Variants in BRIP1 observed in about 807,000 individuals in gnomAD.
BRIP1 encodes the protein Fanconi anemia group J protein.
In BRIP1, 88 loss-of-function variants were observed where a neutral mutation model predicts 119.7. That is an observed-to-expected ratio of 0.74 (90% confidence interval 0.62 to 0.88). BRIP1 has a LOEUF of 0.88. BRIP1 is among the 40% of genes least tolerant of loss of function. BRIP1 has a pLI of 0.00. For missense variants in BRIP1, 1,259 were observed against 1,455.4 expected (o/e 0.87, Z 2.20); for synonymous variants, 443 against 496.5 (o/e 0.89, Z 1.43).
chr17:61,830,053 C>G (rs1412887912), intron 6 of BRIP1, among the ~76,000 whole-genome samples: 5 of 152,066 alleles, frequency 3.3e-5, no homozygotes, highest in Admixed American at 1.3e-4. Context: ...CTGCCTCAGC[C>G]TCCCGAGTAG....
rs2191248 is a variant in BRIP1, at chr17:61,798,991, C to T, written c.1340+109G>A. ...TAACTGGCAAGGAACAATTCATTTC[C>T]CAAGAAGCCTAGTTAACCAAAGTTT... On this transcript the variant is annotated intron_variant, in intron 9 of 19. Coordinates refer to ENST00000259008, the MANE Select transcript of BRIP1 (RefSeq NM_032043.3). The surrounding 1 kb of genome is among the most constrained non-coding windows in gnomAD (Gnocchi z 5.5). 0.31 allele frequency: 319,163 copies of T among 1,019,488 alleles called. 54,085 individuals carry two copies. Among genetic ancestry groups the T allele is most frequent in the Non-Finnish European group, 0.36 (235,637 of 658,738 alleles). 63.2% of individuals were successfully genotyped at this position (1,019,488 alleles called of 1,614,324 possible).
intron 17 of BRIP1, among the ~76,000 whole-genome samples, chr17:61,707,865 GAGA>G (rs1000493330): frequency 1.8e-5 from 2 of 112,510 alleles, no homozygotes; most frequent in East Asian, 2.4e-4. Context: ...TTTTTTTTTT[GAGA>G]AGGAGTCTCA....
chr17:61,836,340 T>C (rs2078574291), intron 6 of BRIP1, among the ~76,000 whole-genome samples: 1 of 152,112 alleles, frequency 6.6e-6, no homozygotes, highest in Non-Finnish European at 1.5e-5. Context: ...GATCTCAAAC[T>C]CCTGGGCTCA....
At position 61,846,242 on chromosome 17, in the gene BRIP1, G is replaced by C. The variant is rs553462725; in HGVS notation, c.627+859C>G. Among the ~76,000 whole-genome samples, 2 of 123,550 alleles carry C rather than the reference G, an allele frequency of 1.6e-5. No homozygotes were observed. The highest frequency in any genetic ancestry group is 1.2e-4 in the African/African-American group (2 of 16,368). The allele number at this position is 123,550 out of a possible 152,430, so 81.1% of individuals were successfully genotyped here. A position where few individuals can be genotyped will look rare whatever the true frequency, so the allele number is the denominator to read the frequency against. On this transcript the variant is annotated intron_variant, in intron 6 of 19. Coordinates refer to ENST00000259008, the MANE Select transcript of BRIP1 (RefSeq NM_032043.3). The surrounding 1 kb of genome is among the most constrained non-coding windows in gnomAD (Gnocchi z 4.3). Reference sequence around the variant, plus strand: ...ATATACATATAGAGAGAGAGAGAGAGAAAAAGAGAGAGAGAGAGAAAGAGA... The same window carrying C: ...ATATACATATAGAGAGAGAGAGAGACAAAAAGAGAGAGAGAGAGAAAGAGA...
In BRIP1 at chr17:61,708,292, T is replaced by G. The variant is rs554826616; in HGVS notation, c.2492+7659A>C. Among the ~76,000 whole-genome samples the G allele has an allele frequency of 2.0e-5, 3 of 152,324 alleles. No individual in the cohort carries two copies. The highest frequency in any genetic ancestry group is 7.2e-5 in the African/African-American group (3 of 41,572). ...ATTTAAAAATGCATGCCCTTCTGAGTTGCATGATAAAAATCTCATGCTGTC... is the reference window on the plus strand; with the variant it reads ...ATTTAAAAATGCATGCCCTTCTGAGGTGCATGATAAAAATCTCATGCTGTC... On this transcript the variant is annotated intron_variant, in intron 17 of 19. Transcript: ENST00000259008. The surrounding 1 kb of genome is among the most constrained non-coding windows in gnomAD (Gnocchi z 4.4).
In BRIP1 at chr17:61,744,517, A is replaced by C. The variant is rs777860588; in HGVS notation, c.2172T>G (p.Ile724Met). The C allele has an allele frequency of 6.2e-7, 1 of 1,613,872 alleles. No homozygotes were observed. Among genetic ancestry groups the C allele is most frequent in the Non-Finnish European group, 8.5e-7 (1 of 1,179,806 alleles). Reference protein sequence around the residue: ...WHNLELVKTVIVEPQGGEKTN... With the variant: ...WHNLELVKTVMVEPQGGEKTN... ...TTTTTTCTCCTCCCTGTGGTTCTAC[A>C]ATGACTGTCTTCACCAACTCCAGAT... The change falls in exon 15 of 20, where the codon ATT (isoleucine) becomes ATG (methionine). Residue 724 changes from isoleucine (I) to methionine (M), a missense_variant. This residue lies in a region of BRIP1 where 753 missense variants were observed against 891.8 expected (regional missense o/e 0.84). Coordinates refer to ENST00000259008, the MANE Select transcript of BRIP1 (RefSeq NM_032043.3). This position sits in a 1 kb window ranked among gnomAD's most constrained non-coding sequence, Gnocchi z 5.0.
chr17:61,841,212 A>G lies in BRIP1; in HGVS notation c.627+5889T>C, dbSNP rs913677981. ...CAGGCAACAAAAACAAAAATAGACA[A>G]ATAGGACAGTATCAAACTAAAAAGC... On this transcript the variant is annotated intron_variant, in intron 6 of 19. Transcript: ENST00000259008. The surrounding 1 kb of genome is among the most constrained non-coding windows in gnomAD (Gnocchi z 4.1). Among the ~76,000 whole-genome samples the G allele has an allele frequency of 9.8e-5, 15 of 152,298 alleles. No individual in the cohort carries two copies. Among genetic ancestry groups the G allele is most frequent in the African/African-American group, 3.1e-4 (13 of 41,584 alleles).
chr17:61,779,745 C>T (rs2077585486), intron 13 of BRIP1, among the ~76,000 whole-genome samples: 1 of 152,108 alleles, frequency 6.6e-6, no homozygotes. Flanking sequence ...CATTTGAGGG[C>T]AGGAGTTCAA....
At position 61,725,189 on chromosome 17, in the gene BRIP1, C is replaced by T. The variant is rs1327557486; in HGVS notation, c.2380-9126G>A. Among the ~76,000 whole-genome samples, 1 of 151,324 alleles carries T rather than the reference C, an allele frequency of 6.6e-6. No individual in the cohort carries two copies. Among genetic ancestry groups the T allele is most frequent in the East Asian group, 1.9e-4 (1 of 5,168 alleles). ...ATGGGGAAAATGAGTTAGTTTCTGC[C>T]AAGAGTTAAGAAGCCAGGCTCCCTT... On this transcript the variant is annotated intron_variant, in intron 16 of 19. Coordinates refer to ENST00000259008, the MANE Select transcript of BRIP1 (RefSeq NM_032043.3). The surrounding 1 kb of genome is among the most constrained non-coding windows in gnomAD (Gnocchi z 5.3).
rs1457049126 is a variant in BRIP1 at position 61,684,405 on chromosome 17, G to A, written c.2906-265C>T. Among the ~76,000 whole-genome samples, 1 of 152,078 alleles carries A rather than the reference G, an allele frequency of 6.6e-6. No individual in the cohort carries two copies. The highest frequency in any genetic ancestry group is 1.5e-5 in the Non-Finnish European group (1 of 68,018). On this transcript the variant is annotated intron_variant, in intron 19 of 19. Transcript: ENST00000259008. The surrounding 1 kb of genome is among the most constrained non-coding windows in gnomAD (Gnocchi z 4.5). ...CAGCAGGGAGCTCAAGAATGAATGA[G>A]GAAAGAAGGGGTAAAAGGGAAGAGG...
rs2077183011 is a variant in BRIP1, at chr17:61,755,116, G to A, written c.2098-10525C>T. ...TGCTGATTGCCCAGTGCATAGAACA[G>A]TACCTTACATATAGAAAGTGGTCAG... On this transcript the variant is annotated intron_variant, in intron 14 of 19. Transcript: ENST00000259008. The surrounding 1 kb of genome is among the most constrained non-coding windows in gnomAD (Gnocchi z 4.5). Among the ~76,000 whole-genome samples the A allele has an allele frequency of 6.6e-6, 1 of 152,146 alleles. No individual in the cohort carries two copies. Among genetic ancestry groups the A allele is most frequent in the Non-Finnish European group, 1.5e-5 (1 of 68,036 alleles).
rs987734012 is a variant in BRIP1 at position 61,797,924 on chromosome 17, T to C, written c.1340+1176A>G. 2.6e-5 allele frequency among the ~76,000 whole-genome samples: 4 copies of C among 152,166 alleles called. No homozygotes were observed. The East Asian group carries it at 5.8e-4, about 22-fold the overall frequency. ...GAAGAAAACAATTTCCATACTCTTA[T>C]ACATTGCTGGTAGAAGCATACATTA... On this transcript the variant is annotated intron_variant, in intron 9 of 19. Coordinates refer to ENST00000259008, the MANE Select transcript of BRIP1 (RefSeq NM_032043.3).
rs1031097783 is a variant in BRIP1, at chr17:61,725,146, T to C, written c.2380-9083A>G. Among the ~76,000 whole-genome samples, 8 of 149,482 alleles carry C rather than the reference T, an allele frequency of 5.4e-5. No homozygotes were observed. Among genetic ancestry groups the C allele is most frequent in the African/African-American group, 2.0e-4 (8 of 39,922 alleles). The stretch of plus-strand genomic sequence containing the variant: ...TAGTGTGTGTGTGTGTGTGTGTGTG[T>C]ATATACACTTTTTTTAAATGGGGAA... On this transcript the variant is annotated intron_variant, in intron 16 of 19. Transcript: ENST00000259008. This position sits in a 1 kb window ranked among gnomAD's most constrained non-coding sequence, Gnocchi z 5.3.
rs984845575 is a variant in BRIP1, at chr17:61,823,293, G to A, written c.628-14536C>T. 2.0e-5 allele frequency among the ~76,000 whole-genome samples: 3 copies of A among 152,042 alleles called. No individual in the cohort carries two copies. The highest frequency in any genetic ancestry group is 7.2e-5 in the African/African-American group (3 of 41,408). ...TATGGCCTTCTGCTTTTAGCCATAC[G>A]AAAAAACAGAAATCTTATCTTGCAC... On this transcript the variant is annotated intron_variant, in intron 6 of 19. Coordinates refer to ENST00000259008, the MANE Select transcript of BRIP1 (RefSeq NM_032043.3). This position sits in a 1 kb window ranked among gnomAD's most constrained non-coding sequence, Gnocchi z 4.8.
At position 61,847,236 on chromosome 17, in the gene BRIP1, C is replaced by G. The variant is rs1423428195; in HGVS notation, c.508-16G>C. The stretch of plus-strand genomic sequence containing the variant: ...GTTTTCTAATCTGTAAACACAGAAC[C>G]AAAATGAAGTTTAAGGTGAACTAGA... On this transcript the variant is annotated splice_polypyrimidine_tract_variant and intron_variant, in intron 5 of 19. Transcript: ENST00000259008. The G allele has an allele frequency of 2.5e-6, 4 of 1,613,332 alleles. No individual in the cohort carries two copies. Among genetic ancestry groups the G allele is most frequent in the Non-Finnish European group, 2.5e-6 (3 of 1,179,536 alleles).
chr17:61,682,718 C>A lies in BRIP1; in HGVS notation c.*578G>T. 1 of 194,270 alleles carries A rather than the reference C, an allele frequency of 5.1e-6. No individual in the cohort carries two copies. Among genetic ancestry groups the A allele is most frequent in the Non-Finnish European group, 1.1e-5 (1 of 93,244 alleles). 12.0% of individuals were successfully genotyped at this position (194,270 alleles called of 1,614,324 possible). A position where few individuals can be genotyped will look rare whatever the true frequency, so the allele number is the denominator to read the frequency against. ...GTGAAAACAAATGGATGAAGAGAAC[C>A]ACCTAATATGAATATTTACGTGAAA... On this transcript the variant is annotated 3_prime_UTR_variant, in exon 20 of 20. Transcript: ENST00000259008. The surrounding 1 kb of genome is among the most constrained non-coding windows in gnomAD (Gnocchi z 4.9).
At chr17:61,858,375 G>GT (rs573831950) in intron 3 of BRIP1, among the ~76,000 whole-genome samples, 38,759 of 141,638 alleles carry the variant, frequency 0.27, 6,602 homozygotes, top group East Asian at 0.55. Context: ...AGTATTTACT[G>GT]TTTTTTTTTT....
intron 16 of BRIP1, among the ~76,000 whole-genome samples, chr17:61,731,819 A>G (rs2076847080): frequency 6.6e-6 from 1 of 151,452 alleles, no homozygotes; most frequent in South Asian, 2.1e-4. Context: ...TCCTTGCTAG[A>G]CTATAAGCAA....
Position 61,728,019 on chromosome 17 carries a change from G to C in BRIP1, c.2380-11956C>G, listed in dbSNP as rs144669943. Among the ~76,000 whole-genome samples the C allele has an allele frequency of 4.9e-3, 748 of 151,818 alleles. 8 individuals carry two copies. Among genetic ancestry groups the C allele is most frequent in the African/African-American group, 0.017 (709 of 41,386 alleles). On this transcript the variant is annotated intron_variant, in intron 16 of 19. Transcript: ENST00000259008. The stretch of plus-strand genomic sequence containing the variant: ...AATTTTTGTATTTTTAGTAGACACG[G>C]GGTTTCGCCATGTTGGTCAGGCTGG...
Sources: allele counts gnomAD v4.1 joint callset (sites outside exome capture counted in the v4.1 genomes callset), GRCh38; gene constraint gnomAD v4.1.1; regional missense constraint gnomAD v4.1.1; non-coding constraint Gnocchi (gnomAD v3.1); transcripts MANE v1.5; gene names NCBI Gene and HGNC (gene_info 2026-07-23, HGNC 2026-07-21).